The following IQCE variants were observed in gnomAD, a reference collection of about 807,000 sequenced individuals.
The protein encoded by IQCE is IQ motif containing E.
IQCE carries 115 observed loss-of-function variants against 96.0 expected under a neutral mutation model. That is an observed-to-expected ratio of 1.20 (90% CI 1.03 to 1.40). The LOEUF is 1.40. Among genes scored for constraint, IQCE ranks in the 40% most tolerant of loss-of-function variants. IQCE has a pLI of 0.00. For missense variants in IQCE, 1,041 were observed against 909.1 expected (o/e 1.15, Z -1.87); for synonymous variants, 412 against 371.2 (o/e 1.11, Z -1.26).
At chr7:2,569,489 C>T (rs1781605981) in intron 3 of IQCE, among the ~76,000 whole-genome samples, 1 of 152,244 alleles carries the variant, frequency 6.6e-6, no homozygotes, top group Non-Finnish European at 1.5e-5. Flanking sequence ...TTCTATTCTT[C>T]CTCACCCTCA....
intron 8 of IQCE, 86 bp downstream of exon 8, chr7:2,578,612 C>T (rs997556583): frequency 4.2e-6 from 6 of 1,438,386 alleles, no homozygotes; most frequent in African/African-American, 1.4e-5. Context: ...CCCTGCAGCA[C>T]CCACGCGTGA....
In IQCE at chr7:2,561,122, T is replaced by C. The variant is rs1009778431; in HGVS notation, c.36+1905T>C. Among the ~76,000 whole-genome samples the C allele has an allele frequency of 2.9e-5, 3 of 102,542 alleles. No homozygotes were observed. The Admixed American group carries it at 3.0e-4, about 10-fold the overall frequency. 67.3% of individuals were successfully genotyped at this position (102,542 alleles called of 152,430 possible). A position where few individuals can be genotyped will look rare whatever the true frequency, so the allele number is the denominator to read the frequency against. On this transcript the variant is annotated intron_variant, in intron 1 of 21. Transcript: ENST00000402050. ...ACAGGCGCCTGCCACCACACCCAGC[T>C]AATTTTTCTATTTTTAGTAGAGGTG... is the stretch of plus-strand genomic sequence containing the variant.
chr7:2,593,190 G>T (rs895991273), intron 15 of IQCE, 64 bp downstream of exon 15: 2 of 1,522,400 alleles, frequency 1.3e-6, no homozygotes, highest in South Asian at 2.5e-5. Flanking sequence ...TACCACTGCG[G>T]CCCCCCGTGG....
chr7:2,613,682 TG>T lies in IQCE; in HGVS notation c.*3521del, dbSNP rs1174767375. On this transcript the variant is annotated 3_prime_UTR_variant, in exon 22 of 22. Coordinates refer to ENST00000402050, the MANE Select transcript of IQCE (RefSeq NM_152558.5). ...AGAAAAGAGGCAGAAGTGAGGTGGG[TG>T]TGCCTGGGGCACGAAGCCAGCGCCG... 6.6e-6 allele frequency: 1 copy of T among 152,380 alleles called. No individual in the cohort carries two copies. The highest frequency in any genetic ancestry group is 1.5e-5 in the Non-Finnish European group (1 of 68,204). 9.4% of individuals were successfully genotyped at this position (152,380 alleles called of 1,614,324 possible).
chr7:2,605,243 G>A (rs909436560), intron 19 of IQCE, among the ~76,000 whole-genome samples: 1 of 152,264 alleles, frequency 6.6e-6, no homozygotes, highest in African/African-American at 2.4e-5. Context: ...GTAGCTCCAT[G>A]AAGATGTAGC....
intron 1 of IQCE, among the ~76,000 whole-genome samples, chr7:2,559,985 C>G (rs543283187): frequency 7.6e-4 from 115 of 152,268 alleles, no homozygotes; most frequent in African/African-American, 2.6e-3. Flanking sequence ...ATCGCAAGAC[C>G]CCATCTCTAC....
At chr7:2,585,455 C>T (rs1445994351) in intron 11 of IQCE, among the ~76,000 whole-genome samples, 3 of 152,262 alleles carry the variant, frequency 2.0e-5, no homozygotes, top group African/African-American at 7.2e-5. Flanking sequence ...CATGGCTGGC[C>T]TGAACGAGGC....
At chr7:2,567,300 G>A (rs10488610) in intron 2 of IQCE, 137 bp downstream of exon 2, 64,751 of 730,088 alleles carry the variant, frequency 0.089, 3,467 homozygotes, top group South Asian at 0.18. Context: ...AATGCTCCTT[G>A]GTGTTTGAAA....
intron 17 of IQCE, among the ~76,000 whole-genome samples, chr7:2,601,051 A>G (rs1343641579): frequency 6.6e-6 from 1 of 152,140 alleles, no homozygotes; most frequent in African/African-American, 2.4e-5. Context: ...GGGCTTATCC[A>G]GAGAGCACAG....
At chr7:2,560,301 G>T (rs1780849506) in intron 1 of IQCE, among the ~76,000 whole-genome samples, 1 of 152,238 alleles carries the variant, frequency 6.6e-6, no homozygotes, top group Non-Finnish European at 1.5e-5. Flanking sequence ...GCAGAAGATG[G>T]GCATGAGCCT....
intron 3 of IQCE, 75 bp downstream of exon 3, chr7:2,569,074 C>A: frequency 6.9e-7 from 1 of 1,451,480 alleles, no homozygotes; most frequent in East Asian, 2.3e-5. Context: ...AGGGTATTTG[C>A]TTTGTACATT....
chr7:2,581,486 G>A (rs148370879), intron 8 of IQCE, among the ~76,000 whole-genome samples: 27 of 152,222 alleles, frequency 1.8e-4, no homozygotes, highest in African/African-American at 4.6e-4. Flanking sequence ...GATTATAGGC[G>A]TGAGCCACTG....
At chr7:2,578,944 G>C (rs527323824) in intron 8 of IQCE, among the ~76,000 whole-genome samples, 1 of 151,832 alleles carries the variant, frequency 6.6e-6, no homozygotes, top group African/African-American at 2.4e-5. Context: ...CTGTAGTCCC[G>C]GCTACTCAGG....
chr7:2,607,692 C>T lies in IQCE; in HGVS notation c.1969+465C>T, dbSNP rs559592715. The T allele has an allele frequency of 9.4e-4, 218 of 231,552 alleles. 1 individual carries two copies. The highest frequency in any genetic ancestry group is 6.9e-3 in the Middle Eastern group (5 of 726). The allele number at this position is 231,552 out of a possible 1,614,324, so 14.3% of individuals were successfully genotyped here. On this transcript the variant is annotated intron_variant, in intron 21 of 21. Coordinates refer to ENST00000402050, the MANE Select transcript of IQCE (RefSeq NM_152558.5). ...GGATGCCCCAGCAGGCCCTGCCTTT[C>T]TCTGGCCGTCAGTCCCTTCATGTTT...
chr7:2,600,736 A>G (rs959254875), intron 17 of IQCE, among the ~76,000 whole-genome samples: 3 of 152,180 alleles, frequency 2.0e-5, no homozygotes, highest in Non-Finnish European at 4.4e-5. Context: ...CAGTAGTACA[A>G]ATGTGGGACG....
At chr7:2,585,477 G>A (rs59609857) in intron 11 of IQCE, among the ~76,000 whole-genome samples, 4,365 of 152,316 alleles carry the variant, frequency 0.029, 196 homozygotes, top group African/African-American at 0.095. Context: ...TCTTGCACGC[G>A]CATAAGCGTC....
rs369310703 is a variant in IQCE at position 2,562,547 on chromosome 7, G to C, written c.36+3330G>C. Among the ~76,000 whole-genome samples the C allele has an allele frequency of 8.7e-5, 13 of 149,738 alleles. 1 individual carries two copies. The highest frequency in any genetic ancestry group is 3.2e-4 in the African/African-American group (13 of 41,012). On this transcript the variant is annotated intron_variant, in intron 1 of 21. Transcript: ENST00000402050. Reference sequence around the variant, plus strand: ...ATAGAATTCACCAGCGAGACCATGTGGTTCTGGGTGTTTCTTTACTTCTAT... The same window carrying C: ...ATAGAATTCACCAGCGAGACCATGTCGTTCTGGGTGTTTCTTTACTTCTAT...
At chr7:2,604,402 C>T (rs1472548263) in intron 18 of IQCE, among the ~76,000 whole-genome samples, 7 of 152,206 alleles carry the variant, frequency 4.6e-5, no homozygotes, top group Admixed American at 2.0e-4. Context: ...TGAACCACTG[C>T]ACCCAGCCAC....
intron 6 of IQCE, among the ~76,000 whole-genome samples, chr7:2,573,790 T>G (rs2917750): frequency 0.57 from 86,423 of 152,014 alleles, 24,755 homozygotes; most frequent in South Asian, 0.62. Flanking sequence ...GTCCTGAGAT[T>G]GGGTACTGTG....
Sources: gnomAD v4.1 joint callset for allele counts (sites outside exome capture counted in the v4.1 genomes callset) on GRCh38, gnomAD v4.1.1 for gene constraint, MANE v1.5 for transcripts, NCBI Gene and HGNC (gene_info 2026-07-23, HGNC 2026-07-21) for gene names.